The following ARHGEF3 variants were observed in gnomAD, a reference collection of about 807,000 sequenced individuals.
ARHGEF3 encodes the protein Rho guanine nucleotide exchange factor 3, also known as 59.8 kDA protein.
A neutral mutation model predicts 63.2 loss-of-function variants in ARHGEF3; 28 were observed. The ratio of observed to expected loss-of-function variants is 0.44; its 90% confidence interval spans 0.33 to 0.61. The LOEUF (loss-of-function observed/expected upper bound fraction) is 0.61. Ranked by LOEUF, ARHGEF3 falls within the 20% of genes least tolerant of loss-of-function variation. The pLI is 0.03. For missense variants in ARHGEF3, 533 were observed against 659.3 expected, an observed-to-expected ratio of 0.81 and a Z score of 2.10; for synonymous variants, 266 against 254.2, an observed-to-expected ratio of 1.05 and a Z score of -0.44.
chr3:56,863,788 T>G (rs953579798), intron 4 of ARHGEF3, among the ~76,000 whole-genome samples: 1 of 152,136 alleles, frequency 6.6e-6, no homozygotes, highest in Non-Finnish European at 1.5e-5. Context: ...CAAAACATCA[T>G]GAACCTAGGG....
Position 56,841,310 on chromosome 3 carries a change from C to T in ARHGEF3, c.192+40982G>A, listed in dbSNP as rs373744299. Among the ~76,000 whole-genome samples the T allele has an allele frequency of 7.0e-4, 107 of 152,310 alleles. 3 individuals are homozygous for T. The South Asian group carries it at 0.02, about 28-fold the overall frequency. On this transcript the variant is annotated intron_variant, in intron 4 of 12. Coordinates refer to the ARHGEF3 transcript ENST00000338458. ...AATTTCAAAGAGGTGGTGAGAAGAA[C>T]TTGCTGGCTTCTTATTGGGTGGGCT... is the stretch of plus-strand genomic sequence containing the variant.
intron 2 of ARHGEF3, among the ~76,000 whole-genome samples, chr3:56,988,301 C>T (rs953965187): frequency 6.6e-6 from 1 of 152,096 alleles, no homozygotes; most frequent in African/African-American, 2.4e-5. Context: ...CGCACGCCAC[C>T]ATGCCCAGCT....
intron 4 of ARHGEF3, among the ~76,000 whole-genome samples, chr3:56,813,861 C>T (rs1559962469): frequency 6.6e-6 from 1 of 152,114 alleles, no homozygotes; most frequent in South Asian, 2.1e-4. Flanking sequence ...ACACCCCCAC[C>T]CCACCTGGCA....
intron 6 of ARHGEF3, among the ~76,000 whole-genome samples, chr3:56,745,944 T>A (rs1308991759): frequency 6.6e-6 from 1 of 152,248 alleles, no homozygotes; most frequent in Non-Finnish European, 1.5e-5. Context: ...GTGCTGAGAT[T>A]ACAGGCGTGA....
intron 2 of ARHGEF3, among the ~76,000 whole-genome samples, chr3:56,980,780 C>A (rs1453856000): frequency 2.0e-5 from 3 of 152,212 alleles, no homozygotes; most frequent in Non-Finnish European, 4.4e-5. Context: ...AACTCAGGTG[C>A]AGAGAGCTCA....
chr3:56,880,263 T>C (rs760306293), intron 4 of ARHGEF3, among the ~76,000 whole-genome samples: 3 of 152,190 alleles, frequency 2.0e-5, no homozygotes, highest in Non-Finnish European at 4.4e-5. Flanking sequence ...TTATCTTCTA[T>C]ACAAGTCTCT....
At chr3:57,006,599 C>G (rs1702478323) in intron 2 of ARHGEF3, among the ~76,000 whole-genome samples, 1 of 152,176 alleles carries the variant, frequency 6.6e-6, no homozygotes, top group Admixed American at 6.5e-5. Context: ...AGTTCAGAAT[C>G]TCACCCCACC....
At chr3:56,783,271 C>G (rs1260613247) in intron 1 of ARHGEF3, among the ~76,000 whole-genome samples, 3 of 152,148 alleles carry the variant, frequency 2.0e-5, no homozygotes, top group African/African-American at 7.2e-5. Context: ...CTGTTTCCTT[C>G]AAGTCCAAAA....
chr3:56,958,794 C>T (rs113596108), intron 3 of ARHGEF3: 95 of 1,540,150 alleles, frequency 6.2e-5, no homozygotes, highest in African/African-American at 1.5e-4. Flanking sequence ...GGACATTTAA[C>T]AGCAGGGGCT....
rs192612183 is a variant in ARHGEF3, at chr3:57,040,462, A to G, written c.-27-5286T>C. ...ACTGCACTCCAGCCTGGGCGACAGA[A>G]TAAGACTCCGTCAAAAGAAAAGAAA... On this transcript the variant is annotated intron_variant, in intron 1 of 12. Transcript: ENST00000338458. Among the ~76,000 whole-genome samples, 498 of 148,512 alleles carry G rather than the reference A, an allele frequency of 3.4e-3. 11 individuals are homozygous for G. The highest frequency in any genetic ancestry group is 0.031 in the Admixed American group (441 of 14,384).
In ARHGEF3 at chr3:56,900,473, A is replaced by C. The variant is rs1055328873; in HGVS notation, c.130-18119T>G. ...GGCAACATGGCAGAACCCAATCTCT[A>C]TATATAAATTAGCCAGGCATGGTGG... is the stretch of plus-strand genomic sequence containing the variant. On this transcript the variant is annotated intron_variant, in intron 3 of 12. Coordinates refer to the ARHGEF3 transcript ENST00000338458. Among the ~76,000 whole-genome samples the C allele has an allele frequency of 3.3e-5, 5 of 152,102 alleles. No homozygotes were observed. In the East Asian group the frequency reaches 7.7e-4, roughly 23 times the overall value.
At chr3:57,039,628 G>A (rs1456398795) in intron 1 of ARHGEF3, among the ~76,000 whole-genome samples, 2 of 152,186 alleles carry the variant, frequency 1.3e-5, no homozygotes, top group African/African-American at 4.8e-5. Context: ...CCTCCTGGAC[G>A]TTCTAGAGGA....
intron 3 of ARHGEF3, among the ~76,000 whole-genome samples, chr3:56,933,399 T>C (rs1483772775): frequency 6.6e-6 from 1 of 151,762 alleles, no homozygotes; most frequent in Non-Finnish European, 1.5e-5. Flanking sequence ...CTTTTCTTTT[T>C]TTTTTTTTTT....
intron 2 of ARHGEF3, among the ~76,000 whole-genome samples, chr3:56,989,676 C>T (rs891587688): frequency 4.6e-5 from 7 of 151,988 alleles, no homozygotes; most frequent in African/African-American, 1.2e-4. Flanking sequence ...TGCTGCCTCC[C>T]CACAGCTGGG....
At chr3:56,865,603 T>A (rs963015923) in intron 4 of ARHGEF3, among the ~76,000 whole-genome samples, 1 of 152,246 alleles carries the variant, frequency 6.6e-6, no homozygotes, top group Non-Finnish European at 1.5e-5. Flanking sequence ...TAAATTACTG[T>A]GCCTTTAATG....
At position 57,053,171 on chromosome 3, in the gene ARHGEF3, C is replaced by G. The variant is rs150225528; in HGVS notation, c.-27-17995G>C. 2.3e-3 allele frequency among the ~76,000 whole-genome samples: 350 copies of G among 152,270 alleles called. 6 individuals are homozygous for G. The East Asian group carries it at 0.054, about 23-fold the overall frequency. On this transcript the variant is annotated intron_variant, in intron 1 of 12. Transcript: ENST00000338458. Reference sequence around the variant, plus strand: ...AAATGCACCCCTTCCTTAAACAGCACCAGAATTAAGAAAGGCCACCCTCCC... The same window carrying G: ...AAATGCACCCCTTCCTTAAACAGCAGCAGAATTAAGAAAGGCCACCCTCCC...
At chr3:56,735,840 G>C (rs1441398350) in intron 8 of ARHGEF3, among the ~76,000 whole-genome samples, 4 of 152,080 alleles carry the variant, frequency 2.6e-5, no homozygotes, top group African/African-American at 9.7e-5. Context: ...CCTGATAATG[G>C]GTTATAACAT....
chr3:56,826,589 G>T (rs1480902690), intron 4 of ARHGEF3, among the ~76,000 whole-genome samples: 3 of 152,202 alleles, frequency 2.0e-5, no homozygotes, highest in South Asian at 4.1e-4. Context: ...AAATGTCAAG[G>T]ATGTTTCACA....
chr3:56,864,095 C>T (rs576263763), intron 4 of ARHGEF3, among the ~76,000 whole-genome samples: 3 of 152,320 alleles, frequency 2.0e-5, no homozygotes, highest in East Asian at 1.9e-4. Context: ...TTCTACTCAT[C>T]ATCCACATCT....
Sources: gnomAD v4.1 joint callset for allele counts (sites outside exome capture counted in the v4.1 genomes callset) on GRCh38, gnomAD v4.1.1 for gene constraint, MANE v1.5 for transcripts, NCBI Gene and HGNC (gene_info 2026-07-23, HGNC 2026-07-21) for gene names.